Variants in CLVS1 observed in about 807,000 individuals in gnomAD.
CLVS1 encodes clavesin-1.
CLVS1 carries 10 observed loss-of-function variants against 33.1 expected under a neutral mutation model. That is an observed-to-expected ratio of 0.30 (90% CI 0.19 to 0.51). CLVS1 has a LOEUF of 0.51. CLVS1 is among the 20% of genes least tolerant of loss of function. The pLI, the probability that CLVS1 is intolerant of heterozygous loss-of-function variation, is 0.97. For missense variants in CLVS1, 343 were observed against 433.4 expected (o/e 0.79, Z 1.85); for synonymous variants, 163 against 166.1 (o/e 0.98, Z 0.14).
chr8:61,329,814 A>G (rs780963374), intron 2 of CLVS1, among the ~76,000 whole-genome samples: 5 of 152,140 alleles, frequency 3.3e-5, no homozygotes, highest in Non-Finnish European at 5.9e-5. Context: ...TCCCTTCCCT[A>G]TATAACCTTT....
chr8:61,075,480 T>G (rs1338954180), intron 1 of CLVS1, among the ~76,000 whole-genome samples: 1 of 152,200 alleles, frequency 6.6e-6, no homozygotes, highest in African/African-American at 2.4e-5. Flanking sequence ...TACATTTCCC[T>G]AAATGCATGA....
intron 5 of CLVS1, among the ~76,000 whole-genome samples, chr8:61,476,492 C>T (rs1817936947): frequency 1.3e-5 from 2 of 152,240 alleles, no homozygotes; most frequent in Admixed American, 6.5e-5. Context: ...GTTTGTAGTT[C>T]TCCTTGAATA....
the CLVS1 span, among the ~76,000 whole-genome samples, chr8:61,004,759 G>A: frequency 3.3e-5 from 5 of 152,190 alleles, no homozygotes; most frequent in Admixed American, 2.0e-4. Flanking sequence ...CCTGGGGCAG[G>A]AAGGGAGGCC....
At chr8:61,308,252 C>T (rs551957150) in intron 2 of CLVS1, among the ~76,000 whole-genome samples, 10 of 152,132 alleles carry the variant, frequency 6.6e-5, no homozygotes, top group Non-Finnish European at 1.3e-4. Flanking sequence ...AAAATAGTTT[C>T]AGGAGGAGAA....
intron 2 of CLVS1, among the ~76,000 whole-genome samples, chr8:61,348,792 T>A (rs139442198): frequency 5.3e-5 from 8 of 152,302 alleles, no homozygotes; most frequent in East Asian, 3.9e-4. Context: ...TTTGAGGAAC[T>A]TTTGTACTGT....
intron 2 of CLVS1, among the ~76,000 whole-genome samples, chr8:61,192,465 G>A (rs1807507660): frequency 7.1e-6 from 1 of 141,544 alleles, no homozygotes; most frequent in Admixed American, 7.2e-5. Context: ...AGAGGCATGG[G>A]CAAGGATTTC....
chr8:61,453,321 A>C (rs1243005332), intron 3 of CLVS1, among the ~76,000 whole-genome samples: 1 of 152,166 alleles, frequency 6.6e-6, no homozygotes, highest in Non-Finnish European at 1.5e-5. Flanking sequence ...AGATCTAATT[A>C]GCACCGAGAG....
Position 61,095,352 on chromosome 8 carries a change from C to T in CLVS1, c.-242-36418C>T, listed in dbSNP as rs1173039671. Among the ~76,000 whole-genome samples, 5 of 152,258 alleles carry T rather than the reference C, an allele frequency of 3.3e-5. No individual in the cohort carries two copies. In the East Asian group the frequency reaches 7.7e-4, roughly 23 times the overall value. Reference sequence around the variant, plus strand: ...TCCCCCATGAGTGGGGCTTTCTGACCCCAGAGCAGGGGCAGGGCTGGCAGT... The same window carrying T: ...TCCCCCATGAGTGGGGCTTTCTGACTCCAGAGCAGGGGCAGGGCTGGCAGT... On this transcript the variant is annotated intron_variant, in intron 1 of 2. Coordinates refer to the CLVS1 transcript ENST00000522621.
the CLVS1 span, among the ~76,000 whole-genome samples, chr8:61,001,398 C>T: frequency 1.3e-5 from 2 of 152,240 alleles, no homozygotes; most frequent in Non-Finnish European, 2.9e-5. Flanking sequence ...TACTGAGCTT[C>T]AGCATCCAGT....
chr8:61,254,621 G>A (rs1038992142), intron 2 of CLVS1, among the ~76,000 whole-genome samples: 5 of 151,736 alleles, frequency 3.3e-5, no homozygotes, highest in Admixed American at 6.6e-5. Flanking sequence ...CAGCAATGGC[G>A]GGCACCCCTC....
rs1454152750 is a variant in CLVS1, at chr8:61,500,847, GTTAA to G, written c.*1308_*1311del. The G allele has an allele frequency of 6.6e-6, 1 of 152,118 alleles. No homozygotes were observed. Among genetic ancestry groups the G allele is most frequent in the Non-Finnish European group, 1.5e-5 (1 of 68,032 alleles). 9.4% of individuals were successfully genotyped at this position (152,118 alleles called of 1,614,324 possible). ...TACATTATTTTAAATATTTGGGAGAGTTAATTTGTTAGCTAAATAATTCAAGGGA... is the reference window on the plus strand; with the variant it reads ...TACATTATTTTAAATATTTGGGAGAGTTTGTTAGCTAAATAATTCAAGGGA... On this transcript the variant is annotated 3_prime_UTR_variant, in exon 6 of 6. Coordinates refer to ENST00000325897, the MANE Select transcript of CLVS1 (RefSeq NM_173519.3).
At chr8:61,463,176 A>G (rs998289519) in intron 5 of CLVS1, among the ~76,000 whole-genome samples, 2 of 152,138 alleles carry the variant, frequency 1.3e-5, no homozygotes, top group Non-Finnish European at 2.9e-5. Context: ...TTTTTCTTCT[A>G]CAGCTTCCTC....
chr8:61,237,403 G>A (rs1808591699), intron 2 of CLVS1, among the ~76,000 whole-genome samples: 1 of 152,164 alleles, frequency 6.6e-6, no homozygotes, highest in Admixed American at 6.5e-5. Flanking sequence ...AGCTATGATT[G>A]CACCATTGCA....
chr8:61,332,533 A>C (rs1392016868), intron 2 of CLVS1, among the ~76,000 whole-genome samples: 5 of 152,168 alleles, frequency 3.3e-5, no homozygotes, highest in Non-Finnish European at 7.3e-5. Flanking sequence ...GATACTTCTA[A>C]TCTGCTATCA....
At chr8:61,444,515 T>C (rs1185298541) in intron 3 of CLVS1, among the ~76,000 whole-genome samples, 1 of 152,242 alleles carries the variant, frequency 6.6e-6, no homozygotes, top group Non-Finnish European at 1.5e-5. Context: ...GGCTTGTTAA[T>C]ATGATGAATT....
intron 2 of CLVS1, among the ~76,000 whole-genome samples, chr8:61,222,444 C>A (rs1808236763): frequency 6.6e-6 from 1 of 152,128 alleles, no homozygotes; most frequent in Non-Finnish European, 1.5e-5. Flanking sequence ...ACCCAGGAAT[C>A]ATTTTATTCA....
chr8:61,391,902 T>C (rs1009137434), intron 3 of CLVS1, among the ~76,000 whole-genome samples: 24 of 152,216 alleles, frequency 1.6e-4, no homozygotes, highest in African/African-American at 5.5e-4. Flanking sequence ...GACATCTTGA[T>C]AGAGCTAAAA....
intron 2 of CLVS1, among the ~76,000 whole-genome samples, chr8:61,359,952 G>T (rs1388669665): frequency 1.3e-5 from 2 of 152,116 alleles, no homozygotes; most frequent in Non-Finnish European, 2.9e-5. Context: ...AGCTCTTTGG[G>T]ATTACCTAGC....
At chr8:61,197,794 A>G (rs1034084040) in intron 2 of CLVS1, among the ~76,000 whole-genome samples, 4 of 152,220 alleles carry the variant, frequency 2.6e-5, no homozygotes, top group Non-Finnish European at 5.9e-5. Context: ...TGCTGGGATT[A>G]CAGGCATAAG....
Sources: gnomAD v4.1 joint callset for allele counts (sites outside exome capture counted in the v4.1 genomes callset) on GRCh38, gnomAD v4.1.1 for gene constraint, MANE v1.5 for transcripts, NCBI Gene and HGNC (gene_info 2026-07-23, HGNC 2026-07-21) for gene names.